ERICH6: variants seen among roughly 807,000 people sequenced by gnomAD.
ERICH6 encodes glutamate rich 6.
In ERICH6, 71 loss-of-function variants were observed where a neutral mutation model predicts 71.0. The ratio of observed to expected loss-of-function variants is 1.00; its 90% CI spans 0.83 to 1.22. The LOEUF is 1.22. Ranked by LOEUF, ERICH6 falls within the 50% of genes most tolerant of loss-of-function variation. ERICH6 has a pLI of 0.00. For synonymous variants in ERICH6, 262 were observed against 278.4 expected, an observed-to-expected ratio of 0.94 and a Z score of 0.59; for missense variants, 808 against 797.2, an observed-to-expected ratio of 1.01 and a Z score of -0.16.
chr3:150,688,690 G>A (rs1712296200), intron 3 of ERICH6, among the ~76,000 whole-genome samples: 1 of 152,226 alleles, frequency 6.6e-6, no homozygotes, highest in Admixed American at 6.5e-5. Flanking sequence ...AGGCTAATCA[G>A]AAACTCAAAA....
chr3:150,681,486 C>T (rs545547136), intron 7 of ERICH6, among the ~76,000 whole-genome samples: 11 of 152,180 alleles, frequency 7.2e-5, no homozygotes, highest in Non-Finnish European at 7.3e-5. Flanking sequence ...TTGGCTATTA[C>T]GAATCATGCT....
chr3:150,696,335 C>T (rs757184909), intron 3 of ERICH6, among the ~76,000 whole-genome samples: 5 of 151,804 alleles, frequency 3.3e-5, no homozygotes, highest in African/African-American at 1.2e-4. Context: ...TAGTAAAATT[C>T]TAGAAGTTTT....
At chr3:150,700,241 A>ATTTTTTTTTTTT (rs34624356) in intron 2 of ERICH6, among the ~76,000 whole-genome samples, 255 of 110,868 alleles carry the variant, frequency 2.3e-3, no homozygotes, top group South Asian at 3.2e-3. Context: ...TGCCCGGCTA[A>ATTTTTTTTTTTT]TTTTTTTTTT....
intron 12 of ERICH6, among the ~76,000 whole-genome samples, chr3:150,667,510 GT>G (rs1242447069): frequency 2.0e-5 from 3 of 152,222 alleles, no homozygotes; most frequent in Non-Finnish European, 4.4e-5. Flanking sequence ...ATGGCTGAAT[GT>G]GGGGGCAGAG....
chr3:150,688,818 T>C (rs573865406), intron 3 of ERICH6, among the ~76,000 whole-genome samples: 46 of 152,346 alleles, frequency 3.0e-4, no homozygotes, highest in Non-Finnish European at 5.9e-4. Context: ...ATCTTACATA[T>C]GTTGATTGAT....
intron 12 of ERICH6, 140 bp downstream of exon 12, chr3:150,669,156 C>G (rs1446192966): frequency 3.4e-6 from 3 of 885,448 alleles, no homozygotes; most frequent in Non-Finnish European, 4.8e-6. Flanking sequence ...CCAAAAATGT[C>G]TCTGAGTTGA....
intron 2 of ERICH6, 107 bp downstream of exon 2, chr3:150,702,014 T>G: frequency 1.3e-6 from 1 of 774,442 alleles, no homozygotes; most frequent in Non-Finnish European, 2.1e-6. Flanking sequence ...TTAAAATAAG[T>G]AAGTCACAAA....
intron 7 of ERICH6, among the ~76,000 whole-genome samples, chr3:150,681,312 T>C (rs930357718): frequency 6.6e-6 from 1 of 152,252 alleles, no homozygotes; most frequent in African/African-American, 2.4e-5. Context: ...TCTTTATGTC[T>C]GGCCTCTTTC....
At chr3:150,677,045 C>T (rs1043644544) in intron 10 of ERICH6, among the ~76,000 whole-genome samples, 1 of 152,136 alleles carries the variant, frequency 6.6e-6, no homozygotes. Flanking sequence ...CTCCTGAGCT[C>T]ACACATTCCA....
At chr3:150,680,740 G>A (rs756429244) in intron 8 of ERICH6, 33 bp downstream of exon 8, 3 of 1,582,446 alleles carry the variant, frequency 1.9e-6, no homozygotes, top group South Asian at 1.2e-5. Context: ...AAGCCGGCCT[G>A]TATGAGTTTC....
chr3:150,676,335 T>C (rs2108052404), intron 10 of ERICH6, among the ~76,000 whole-genome samples: 1 of 152,282 alleles, frequency 6.6e-6, no homozygotes, highest in East Asian at 1.9e-4. Context: ...GCTATGTCAG[T>C]TTATAGTTTT....
At chr3:150,678,366 G>GT (rs764357446) in intron 10 of ERICH6, 43 bp downstream of exon 10, 84 of 1,520,128 alleles carry the variant, frequency 5.5e-5, no homozygotes, top group South Asian at 1.1e-4. Flanking sequence ...GGTAAAACTG[G>GT]TTTTTTTTAA....
intron 11 of ERICH6, among the ~76,000 whole-genome samples, chr3:150,669,827 TTAA>T (rs1421083796): frequency 6.6e-6 from 1 of 152,196 alleles, no homozygotes; most frequent in Non-Finnish European, 1.5e-5. Context: ...TTCAGCCCTC[TTAA>T]TAATAAGAAA....
intron 11 of ERICH6, among the ~76,000 whole-genome samples, chr3:150,672,904 G>A (rs1317412326): frequency 1.3e-5 from 2 of 151,396 alleles, no homozygotes; most frequent in African/African-American, 4.9e-5. Flanking sequence ...GCATGCCTGT[G>A]GTCCCAGCTA....
intron 9 of ERICH6, 58 bp from the exon 10 acceptor site, chr3:150,678,612 T>C: frequency 7.2e-7 from 1 of 1,396,594 alleles, no homozygotes; most frequent in Non-Finnish European, 9.5e-7. Flanking sequence ...CTAAAGCCTC[T>C]TTTCTAAAAT....
At chr3:150,673,030 A>T (rs1171838018) in intron 11 of ERICH6, among the ~76,000 whole-genome samples, 2 of 152,080 alleles carry the variant, frequency 1.3e-5, no homozygotes, top group African/African-American at 2.4e-5. Context: ...GTCTTAAAAA[A>T]ACAATAGTAA....
rs112279628 is a variant in ERICH6, at chr3:150,686,322, C to G, written c.586G>C (p.Glu196Gln). 3.7e-6 allele frequency: 6 copies of G among 1,614,198 alleles called. No homozygotes were observed. The East Asian group carries it at 6.7e-5, about 18-fold the overall frequency. ...KKASKEKAEP[E>Q]CLASKLREKW... ...CCTCTTAACTTAGATGCCAGACATTCAGGTTCAGCTTTCTCTTTAGAGGCT... is the reference window on the plus strand; with the variant it reads ...CCTCTTAACTTAGATGCCAGACATTGAGGTTCAGCTTTCTCTTTAGAGGCT... The change falls in exon 4 of 14, where the codon GAA (glutamate) becomes CAA (glutamine). Residue 196 changes from glutamate (E) to glutamine (Q), a missense_variant. Coordinates refer to ENST00000295910, the MANE Select transcript of ERICH6 (RefSeq NM_152394.5).
intron 11 of ERICH6, among the ~76,000 whole-genome samples, chr3:150,669,780 G>A (rs1298657927): frequency 2.0e-5 from 3 of 152,118 alleles, no homozygotes; most frequent in Admixed American, 6.5e-5. Flanking sequence ...AAAACACAAG[G>A]TCATCTCAAC....
chr3:150,687,661 G>A (rs1211020778), intron 3 of ERICH6, among the ~76,000 whole-genome samples: 4 of 152,166 alleles, frequency 2.6e-5, no homozygotes, highest in Non-Finnish European at 5.9e-5. Flanking sequence ...TTGAGTAAAT[G>A]TCTAGAAGCT....
Sources: allele counts gnomAD v4.1 joint callset (sites outside exome capture counted in the v4.1 genomes callset), GRCh38; gene constraint gnomAD v4.1.1; transcripts MANE v1.5; gene names NCBI Gene and HGNC (gene_info 2026-07-23, HGNC 2026-07-21).